Variants in SHISA9 observed in about 807,000 individuals in gnomAD.
SHISA9 encodes the protein protein shisa-9.
SHISA9 carries 13 observed loss-of-function variants against 38.0 expected under a neutral mutation model. That is an observed-to-expected ratio of 0.34 (90% CI 0.22 to 0.54). The LOEUF (loss-of-function observed/expected upper bound fraction) is 0.54. SHISA9 is among the 20% of genes least tolerant of loss of function. SHISA9 has a pLI of 0.91. For synonymous variants in SHISA9, 275 were observed against 242.0 expected, an observed-to-expected ratio of 1.14 and a Z score of -1.27; for missense variants, 538 against 575.8, an observed-to-expected ratio of 0.93 and a Z score of 0.67.
chr16:13,456,931 C>A, the SHISA9 span, among the ~76,000 whole-genome samples: 2 of 152,232 alleles, frequency 1.3e-5, no homozygotes, highest in Admixed American at 6.5e-5. Context: ...AGGTTTGGAA[C>A]TTTTCCGGGA....
At chr16:13,367,706 GCGCGCGCACACA>G in the SHISA9 span, among the ~76,000 whole-genome samples, 3 of 115,612 alleles carry the variant, frequency 2.6e-5, no homozygotes, top group African/African-American at 1.1e-4. Flanking sequence ...GTGCGCGCGC[GCGCGCGCACACA>G]CACACACACA....
In SHISA9 at chr16:13,133,915, G is replaced by A. The variant is rs115583335; in HGVS notation, c.692-69479G>A. Among the ~76,000 whole-genome samples the A allele has an allele frequency of 2.0e-3, 300 of 152,288 alleles. 1 individual carries two copies. Among genetic ancestry groups the A allele is most frequent in the African/African-American group, 7.0e-3 (292 of 41,558 alleles). On this transcript the variant is annotated intron_variant, in intron 2 of 4. Coordinates refer to ENST00000558583, the MANE Select transcript of SHISA9 (RefSeq NM_001145204.3). ...ATCGACATTGTTTCAAATTGCTTGT[G>A]CATGGTGATAATATAAAGCAGATAA...
chr16:13,384,473 C>G, the SHISA9 span, among the ~76,000 whole-genome samples: 30 of 152,276 alleles, frequency 2.0e-4, no homozygotes, highest in African/African-American at 7.0e-4. Flanking sequence ...CAGCATATGG[C>G]ATGAGAATCT....
the SHISA9 span, among the ~76,000 whole-genome samples, chr16:13,521,858 C>A: frequency 2.0e-5 from 3 of 152,152 alleles, no homozygotes; most frequent in Non-Finnish European, 4.4e-5. Flanking sequence ...TTTAACAAAC[C>A]TTTGAAATGG....
intron 2 of SHISA9, among the ~76,000 whole-genome samples, chr16:13,172,741 A>ATTTTT (rs35564627): frequency 2.3e-5 from 3 of 128,874 alleles, no homozygotes; most frequent in Middle Eastern, 4.3e-3. Flanking sequence ...TATCTTGATG[A>ATTTTT]TTTTTTTTTT....
the SHISA9 span, among the ~76,000 whole-genome samples, chr16:13,316,608 C>T: frequency 6.6e-6 from 1 of 152,166 alleles, no homozygotes; most frequent in African/African-American, 2.4e-5. Context: ...CAATAACTTT[C>T]ACTTTTGTTT....
At chr16:13,287,446 G>T in the SHISA9 span, among the ~76,000 whole-genome samples, 1 of 152,178 alleles carries the variant, frequency 6.6e-6, no homozygotes, top group African/African-American at 2.4e-5. Flanking sequence ...AAACCAGAAG[G>T]ACTAGAAGGA....
chr16:13,082,492 C>T (rs75013753), intron 2 of SHISA9: 1 of 152,192 alleles, frequency 6.6e-6, no homozygotes, highest in African/African-American at 2.4e-5. Context: ...ATCCCGTTCA[C>T]AGAAGAGAGA....
At chr16:12,997,433 G>C (rs1485521085) in intron 2 of SHISA9, among the ~76,000 whole-genome samples, 1 of 140,622 alleles carries the variant, frequency 7.1e-6, no homozygotes, top group Non-Finnish European at 1.5e-5. Context: ...TTTTTAGACA[G>C]TCTCGCTCTG....
chr16:13,438,680 T>G, the SHISA9 span, among the ~76,000 whole-genome samples: 2 of 152,302 alleles, frequency 1.3e-5, no homozygotes, highest in South Asian at 4.1e-4. Context: ...TTATGACTAC[T>G]GAAAAGTTTT....
intron 2 of SHISA9, among the ~76,000 whole-genome samples, chr16:13,130,896 A>G (rs1394325868): frequency 2.6e-5 from 4 of 152,232 alleles, no homozygotes; most frequent in African/African-American, 9.6e-5. Flanking sequence ...AGAAATGCAA[A>G]TCGAAACCAC....
At chr16:13,527,261 A>G in the SHISA9 span, among the ~76,000 whole-genome samples, 1 of 152,160 alleles carries the variant, frequency 6.6e-6, no homozygotes, top group Non-Finnish European at 1.5e-5. Flanking sequence ...CACAACCACA[A>G]CTTCTGGAAT....
chr16:13,547,549 G>A, the SHISA9 span, among the ~76,000 whole-genome samples: 5 of 152,162 alleles, frequency 3.3e-5, no homozygotes, highest in African/African-American at 1.2e-4. Context: ...CCTAGCTCAA[G>A]AAGAGAGAGA....
the SHISA9 span, among the ~76,000 whole-genome samples, chr16:13,557,808 A>G: frequency 5.3e-5 from 8 of 152,152 alleles, no homozygotes; most frequent in South Asian, 1.5e-3. Context: ...CATCTCATCA[A>G]TCTCATCTTC....
chr16:13,099,809 T>C (rs2073861112), intron 2 of SHISA9, among the ~76,000 whole-genome samples: 1 of 152,210 alleles, frequency 6.6e-6, no homozygotes. Context: ...ACTTCCAGTG[T>C]TGACCCAAGA....
rs1226995301 is a variant in SHISA9, at chr16:12,916,713, C to T, written c.589C>T (p.Gln197Ter). ...SRALADVMRPQGHCNTDHMER... is the reference protein window; with the variant it reads ...SRALADVMRP ...GGCCCTTGCGGATGTCATGAGACCA[C>T]AGGGCCACTGCAACACTGATCACAT... Residue 197 changes from glutamine (Q) to a stop codon, truncating the protein, a stop_gained, in exon 2 of 5, where the codon CAG becomes TAG. Coordinates refer to ENST00000558583, the MANE Select transcript of SHISA9 (RefSeq NM_001145204.3). LOFTEE classifies it high-confidence loss of function. The T allele has an allele frequency of 6.4e-7, 1 of 1,551,842 alleles. No individual in the cohort carries two copies. The highest frequency in any genetic ancestry group is 2.0e-5 in the Admixed American group (1 of 50,974).
the SHISA9 span, among the ~76,000 whole-genome samples, chr16:13,271,861 A>C: frequency 6.6e-6 from 1 of 151,844 alleles, no homozygotes; most frequent in Non-Finnish European, 1.5e-5. Context: ...GCGGGTGGAT[A>C]ACCTGAGGTC....
At chr16:13,168,097 C>T (rs947721544) in intron 2 of SHISA9, among the ~76,000 whole-genome samples, 4 of 152,122 alleles carry the variant, frequency 2.6e-5, no homozygotes, top group Non-Finnish European at 5.9e-5. Flanking sequence ...TTAGCCAGTT[C>T]CTGGAGATAG....
At chr16:13,523,149 A>C in the SHISA9 span, among the ~76,000 whole-genome samples, 69 of 152,158 alleles carry the variant, frequency 4.5e-4, no homozygotes, top group Non-Finnish European at 6.0e-4. Flanking sequence ...GGAGTTTGAG[A>C]CCAGACTGGC....
Sources: allele counts gnomAD v4.1 joint callset (sites outside exome capture counted in the v4.1 genomes callset), GRCh38; gene constraint gnomAD v4.1.1; transcripts MANE v1.5; gene names NCBI Gene and HGNC (gene_info 2026-07-23, HGNC 2026-07-21).